Variants in FSTL5 observed in about 807,000 individuals in gnomAD.
FSTL5 encodes the protein follistatin-related protein 5.
FSTL5 carries 62 observed loss-of-function variants against 89.1 expected under a neutral mutation model. The observed-to-expected ratio is 0.70, with a 90% confidence interval of 0.57 to 0.86. The LOEUF is 0.86. FSTL5 is among the 40% of genes least tolerant of loss of function. The pLI is 0.00. For missense variants in FSTL5, 1,057 were observed against 1,001.6 expected, an observed-to-expected ratio of 1.06 and a Z score of -0.75; for synonymous variants, 383 against 346.2, an observed-to-expected ratio of 1.11 and a Z score of -1.18.
chr4:161,933,863 T>A (rs1438448538), intron 3 of FSTL5, among the ~76,000 whole-genome samples: 1 of 152,086 alleles, frequency 6.6e-6, no homozygotes, highest in Admixed American at 6.6e-5. Context: ...TTACCACATA[T>A]GTTTGCTTAC....
At chr4:161,860,821 T>C (rs1473055259) in intron 4 of FSTL5, among the ~76,000 whole-genome samples, 4 of 152,120 alleles carry the variant, frequency 2.6e-5, no homozygotes, top group Non-Finnish European at 5.9e-5. Context: ...TACCCTGTAA[T>C]ACAAGTACTC....
At chr4:161,887,497 C>T (rs1027328667) in intron 4 of FSTL5, among the ~76,000 whole-genome samples, 1 of 151,964 alleles carries the variant, frequency 6.6e-6, no homozygotes, top group African/African-American at 2.4e-5. Context: ...TATCATCTCT[C>T]ATATTTATAC....
At chr4:161,864,915 T>G (rs1305981393) in intron 4 of FSTL5, among the ~76,000 whole-genome samples, 4 of 146,074 alleles carry the variant, frequency 2.7e-5, no homozygotes, top group South Asian at 2.2e-4. Context: ...GAATAATGAG[T>G]GCAATTCTGA....
intron 7 of FSTL5, among the ~76,000 whole-genome samples, chr4:161,598,457 T>C (rs1447439654): frequency 6.6e-6 from 1 of 152,014 alleles, no homozygotes; most frequent in Non-Finnish European, 1.5e-5. Context: ...TAAGACAGTG[T>C]AATAGAGCAT....
At chr4:161,640,696 A>G (rs1482645762) in intron 7 of FSTL5, among the ~76,000 whole-genome samples, 1 of 152,218 alleles carries the variant, frequency 6.6e-6, no homozygotes, top group Non-Finnish European at 1.5e-5. Flanking sequence ...GTTCCAACAC[A>G]TGCATTGTGG....
intron 5 of FSTL5, among the ~76,000 whole-genome samples, chr4:161,772,698 A>C (rs1158025258): frequency 6.6e-6 from 1 of 152,210 alleles, no homozygotes; most frequent in Non-Finnish European, 1.5e-5. Flanking sequence ...ATCATAGAAG[A>C]CAAAAGCAAA....
At chr4:161,810,386 G>T in intron 4 of FSTL5, among the ~76,000 whole-genome samples, 1 of 152,196 alleles carries the variant, frequency 6.6e-6, no homozygotes, top group East Asian at 1.9e-4. Flanking sequence ...AACATAATTA[G>T]AGAATGCAAG....
intron 10 of FSTL5, 130 bp downstream of exon 10, chr4:161,538,036 C>A: frequency 2.6e-6 from 2 of 776,450 alleles, no homozygotes; most frequent in Non-Finnish European, 4.0e-6. Flanking sequence ...ATCCTTCCTA[C>A]GTATAAAATC....
intron 3 of FSTL5, among the ~76,000 whole-genome samples, chr4:161,974,803 G>C (rs1432288972): frequency 6.8e-6 from 1 of 148,116 alleles, no homozygotes; most frequent in African/African-American, 2.5e-5. Context: ...ACTACCATCA[G>C]AGTGAACAGG....
intron 5 of FSTL5, among the ~76,000 whole-genome samples, chr4:161,769,266 A>C (rs1278523988): frequency 6.6e-6 from 1 of 151,982 alleles, no homozygotes; most frequent in Non-Finnish European, 1.5e-5. Context: ...ACATTTAAAG[A>C]ACTAATACTA....
chr4:161,941,165 A>C (rs1357121362), intron 3 of FSTL5, among the ~76,000 whole-genome samples: 1 of 151,858 alleles, frequency 6.6e-6, no homozygotes, highest in East Asian at 1.9e-4. Flanking sequence ...AATATACATA[A>C]AAGGAAACAA....
chr4:162,031,748 C>T (rs981358289), intron 3 of FSTL5, among the ~76,000 whole-genome samples: 2 of 151,988 alleles, frequency 1.3e-5, no homozygotes, highest in South Asian at 4.1e-4. Context: ...CCGTCCTGGC[C>T]AAGACAGTGA....
At chr4:161,798,342 A>G (rs1337190065) in intron 4 of FSTL5, among the ~76,000 whole-genome samples, 3 of 151,672 alleles carry the variant, frequency 2.0e-5, no homozygotes, top group Admixed American at 1.3e-4. Context: ...ACAGAAACAT[A>G]ACTAAAAAAT....
intron 7 of FSTL5, among the ~76,000 whole-genome samples, chr4:161,611,154 G>A (rs1235568155): frequency 2.7e-5 from 4 of 147,140 alleles, no homozygotes; most frequent in Admixed American, 6.8e-5. Context: ...ATATATATGT[G>A]TGTGTATATA....
intron 8 of FSTL5, among the ~76,000 whole-genome samples, chr4:161,585,791 C>T (rs1179582677): frequency 6.6e-6 from 1 of 152,076 alleles, no homozygotes; most frequent in Non-Finnish European, 1.5e-5. Flanking sequence ...GACGAGCATC[C>T]TCAGCACAGA....
intron 4 of FSTL5, among the ~76,000 whole-genome samples, chr4:161,838,306 A>G (rs1338454585): frequency 6.6e-6 from 1 of 152,104 alleles, no homozygotes; most frequent in Non-Finnish European, 1.5e-5. Flanking sequence ...ACATATTAAA[A>G]TGTTTTCTGC....
At chr4:161,748,079 A>G (rs565714520) in intron 6 of FSTL5, among the ~76,000 whole-genome samples, 114 of 152,270 alleles carry the variant, frequency 7.5e-4, no homozygotes, top group African/African-American at 2.5e-3. Flanking sequence ...GAATAAAACA[A>G]TCAAAACATT....
chr4:161,896,968 T>C (rs1415727268), intron 4 of FSTL5, among the ~76,000 whole-genome samples: 1 of 152,130 alleles, frequency 6.6e-6, no homozygotes, highest in Non-Finnish European at 1.5e-5. Context: ...AGTCTTGCTC[T>C]GTCACCTAGG....
At chr4:161,467,180 A>C (rs1362707008) in intron 13 of FSTL5, among the ~76,000 whole-genome samples, 2 of 152,062 alleles carry the variant, frequency 1.3e-5, no homozygotes, top group East Asian at 3.9e-4. Flanking sequence ...TCACTGCCTC[A>C]TTTCTATATC....
Sources: gnomAD v4.1 joint callset for allele counts (sites outside exome capture counted in the v4.1 genomes callset) on GRCh38, gnomAD v4.1.1 for gene constraint, MANE v1.5 for transcripts, NCBI Gene and HGNC (gene_info 2026-07-23, HGNC 2026-07-21) for gene names.